The following TAOK3 variants were observed in gnomAD, a reference collection of about 807,000 sequenced individuals.
TAOK3 encodes the protein TAO kinase 3.
TAOK3 carries 40 observed loss-of-function variants against 120.4 expected under a neutral mutation model. That is an observed-to-expected ratio of 0.33 (90% CI 0.26 to 0.43). TAOK3 has a LOEUF of 0.43. Among genes scored for constraint, TAOK3 ranks in the 20% least tolerant of loss-of-function variants. TAOK3 has a pLI of 1.00. For synonymous variants in TAOK3, 355 were observed against 387.5 expected, an observed-to-expected ratio of 0.92 and a Z score of 0.99; for missense variants, 821 against 1,112.1, an observed-to-expected ratio of 0.74 and a Z score of 3.72.
intron 11 of TAOK3, among the ~76,000 whole-genome samples, chr12:118,211,819 C>G (rs983545805): frequency 2.6e-5 from 4 of 151,846 alleles, no homozygotes; most frequent in Admixed American, 2.0e-4. Context: ...ATTTTTATGT[C>G]TTGGTTTTTT....
At chr12:118,195,280 A>T (rs753104218) in intron 13 of TAOK3, among the ~76,000 whole-genome samples, 8 of 152,200 alleles carry the variant, frequency 5.3e-5, no homozygotes, top group Non-Finnish European at 1.2e-4. Flanking sequence ...AGGCAAAGGG[A>T]ATTAATTTTA....
intron 1 of TAOK3, among the ~76,000 whole-genome samples, chr12:118,329,646 G>GT: frequency 6.6e-6 from 1 of 151,962 alleles, no homozygotes. Context: ...TATGACTTTG[G>GT]TTTTTTCTAG....
intron 16 of TAOK3, among the ~76,000 whole-genome samples, chr12:118,174,671 A>AT (rs1008274932): frequency 3.3e-5 from 5 of 151,134 alleles, no homozygotes; most frequent in African/African-American, 9.7e-5. Context: ...TTATTTTACG[A>AT]TTTTTTTTTG....
At chr12:118,187,198 G>C (rs531771594) in intron 14 of TAOK3, among the ~76,000 whole-genome samples, 2 of 152,176 alleles carry the variant, frequency 1.3e-5, no homozygotes, top group South Asian at 4.1e-4. Flanking sequence ...GCCTCTACTA[G>C]AAGATGTTAA....
chr12:118,370,598 C>G (rs2045867865), intron 1 of TAOK3, among the ~76,000 whole-genome samples: 1 of 152,140 alleles, frequency 6.6e-6, no homozygotes, highest in Non-Finnish European at 1.5e-5. Context: ...GGAGATACAA[C>G]CTATAAACAT....
At chr12:118,223,670 G>C (rs897345324) in intron 9 of TAOK3, among the ~76,000 whole-genome samples, 1 of 143,874 alleles carries the variant, frequency 7.0e-6, no homozygotes, top group Non-Finnish European at 1.5e-5. Context: ...TTGAGACAGA[G>C]TCTCTCTTTG....
rs900265280 is a variant in TAOK3 at position 118,185,104 on chromosome 12, GA to G, written c.1330-3498del. Among the ~76,000 whole-genome samples, 593 of 134,052 alleles carry G rather than the reference GA, an allele frequency of 4.4e-3. 3 individuals carry two copies. Among genetic ancestry groups the G allele is most frequent in the African/African-American group, 0.013 (463 of 36,522 alleles). 87.9% of individuals were successfully genotyped at this position (134,052 alleles called of 152,430 possible). On this transcript the variant is annotated intron_variant, in intron 14 of 20. Coordinates refer to ENST00000392533, the MANE Select transcript of TAOK3 (RefSeq NM_016281.4). ...ATCCAGAAGAAGGGGCACATTTAAG[GA>G]AAAAAAAAAAAACTAGCTGTATCCA...
chr12:118,249,487 A>G (rs1334919061), intron 3 of TAOK3, among the ~76,000 whole-genome samples: 1 of 151,412 alleles, frequency 6.6e-6, no homozygotes, highest in Non-Finnish European at 1.5e-5. Context: ...GCTTGTACCC[A>G]GGAGGCGGAG....
intron 9 of TAOK3, among the ~76,000 whole-genome samples, chr12:118,219,804 G>C (rs1369387898): frequency 7.2e-6 from 1 of 138,072 alleles, no homozygotes; most frequent in Non-Finnish European, 1.5e-5. Context: ...TTTAGAGATG[G>C]GGTTTTGCTA....
At chr12:118,338,721 A>G (rs566314065) in intron 1 of TAOK3, among the ~76,000 whole-genome samples, 1 of 131,558 alleles carries the variant, frequency 7.6e-6, no homozygotes, top group East Asian at 2.7e-4. Context: ...TGGGAGGCAG[A>G]GGTTGCAGTG....
intron 14 of TAOK3, among the ~76,000 whole-genome samples, chr12:118,187,521 TA>T: frequency 6.6e-6 from 1 of 152,118 alleles, no homozygotes. Context: ...TAATATACAT[TA>T]AAAAATCCAT....
chr12:118,182,764 C>CT (rs2036844166), intron 14 of TAOK3, among the ~76,000 whole-genome samples: 1 of 151,408 alleles, frequency 6.6e-6, no homozygotes, highest in African/African-American at 2.4e-5. Context: ...CCCCCATCCC[C>CT]TTCTCTACAA....
At chr12:118,231,656 G>A (rs1310371434) in intron 9 of TAOK3, among the ~76,000 whole-genome samples, 2 of 152,064 alleles carry the variant, frequency 1.3e-5, no homozygotes. Flanking sequence ...AGGCACAGTG[G>A]CTCATGCCTG....
rs149369293 is a variant in TAOK3, at chr12:118,288,430, A to G, written c.-193-21671T>C. ...GACTAGACAGTGATAAGAAATGCCC[A>G]TATGGGCTCACAGTGGGAAGGTTAA... On this transcript the variant is annotated intron_variant, in intron 1 of 20. Coordinates refer to ENST00000392533, the MANE Select transcript of TAOK3 (RefSeq NM_016281.4). Among the ~76,000 whole-genome samples the G allele has an allele frequency of 7.3e-3, 1,108 of 152,250 alleles. 7 individuals are homozygous for G. Among genetic ancestry groups the G allele is most frequent in the Middle Eastern group, 0.037 (11 of 294 alleles).
intron 3 of TAOK3, chr12:118,246,618 A>C: frequency 1.9e-6 from 3 of 1,575,622 alleles, no homozygotes; most frequent in Non-Finnish European, 2.6e-6. Context: ...CAAGCCCCAC[A>C]CTGTCCCTTG....
At chr12:118,306,652 C>G (rs1030036009) in intron 1 of TAOK3, among the ~76,000 whole-genome samples, 2 of 152,056 alleles carry the variant, frequency 1.3e-5, no homozygotes, top group Non-Finnish European at 1.5e-5. Flanking sequence ...TTTAGTGGAC[C>G]TTAATGTTCA....
chr12:118,165,246 C>T (rs1034297560), intron 17 of TAOK3, among the ~76,000 whole-genome samples: 2 of 152,124 alleles, frequency 1.3e-5, no homozygotes, highest in African/African-American at 2.4e-5. Flanking sequence ...TTCCCACAGA[C>T]GAAAGCTCTC....
Position 118,172,649 on chromosome 12 carries a change from C to A in TAOK3, c.1707G>T (p.Glu569Asp). ...CKEKIKEEMN[E>D]DHSTPKKEKQ... is the part of the protein sequence containing the mutation. ...TCTCTTTCTTGGGTGTGCTATGGTC[C>A]TCATTCATTTCCTAAAAAGAACAGA... Residue 569 changes from glutamate (E) to aspartate (D), a missense_variant, in exon 17 of 21, where the codon GAG (glutamate) becomes GAT (aspartate). Glu to Asp is a conservative substitution (Grantham distance 45). This residue lies in a region of TAOK3 where 354 missense variants were observed against 572.1 expected (regional missense o/e 0.62). Coordinates refer to ENST00000392533, the MANE Select transcript of TAOK3 (RefSeq NM_016281.4). 1.9e-6 allele frequency: 3 copies of A among 1,614,080 alleles called. No individual in the cohort carries two copies. Among genetic ancestry groups the A allele is most frequent in the Non-Finnish European group, 2.5e-6 (3 of 1,179,986 alleles).
intron 1 of TAOK3, among the ~76,000 whole-genome samples, chr12:118,369,005 A>G: frequency 1.2e-5 from 1 of 81,716 alleles, no homozygotes; most frequent in Non-Finnish European, 2.8e-5. Context: ...CTAAAAATAG[A>G]AAAAAAAAAA....
Sources: allele counts gnomAD v4.1 joint callset (sites outside exome capture counted in the v4.1 genomes callset), GRCh38; gene constraint gnomAD v4.1.1; regional missense constraint gnomAD v4.1.1; transcripts MANE v1.5; gene names NCBI Gene and HGNC (gene_info 2026-07-23, HGNC 2026-07-21).